The following OSBPL3 variants were observed in gnomAD, a reference collection of about 807,000 sequenced individuals.
The protein encoded by OSBPL3 is oxysterol-binding protein-related protein 3.
Under a neutral mutation model 120.1 loss-of-function variants are expected in OSBPL3, and 65 were observed. That is an observed-to-expected ratio of 0.54 (90% CI 0.44 to 0.67). The LOEUF (loss-of-function observed/expected upper bound fraction) is 0.67, where lower values mean the gene tolerates loss of function less well. Among genes scored for constraint, OSBPL3 ranks in the 30% least tolerant of loss-of-function variants. The pLI is 0.00. For synonymous variants in OSBPL3, 416 were observed against 402.6 expected (o/e 1.03, Z -0.40); for missense variants, 1,004 against 1,082.1 (o/e 0.93, Z 1.01).
intron 1 of OSBPL3, among the ~76,000 whole-genome samples, chr7:24,979,638 G>A (rs1206847692): frequency 2.0e-5 from 3 of 152,142 alleles, no homozygotes; most frequent in Non-Finnish European, 1.5e-5. Flanking sequence ...AATCCTCTGA[G>A]CCGTCCCTCG....
intron 10 of OSBPL3, among the ~76,000 whole-genome samples, chr7:24,857,259 G>A (rs138791619): frequency 6.6e-6 from 1 of 152,312 alleles, no homozygotes; most frequent in African/African-American, 2.4e-5. Context: ...TCCTTCACTT[G>A]TAGGAAAAGT....
In OSBPL3 at chr7:24,913,828, A is replaced by G. The variant is rs1809177507; in HGVS notation, c.-149-21207T>C. Among the ~76,000 whole-genome samples the G allele has an allele frequency of 6.6e-6, 1 of 152,222 alleles. No homozygotes were observed. Among genetic ancestry groups the G allele is most frequent in the Non-Finnish European group, 1.5e-5 (1 of 68,038 alleles). On this transcript the variant is annotated intron_variant, in intron 1 of 22. Coordinates refer to ENST00000313367, the MANE Select transcript of OSBPL3 (RefSeq NM_015550.4). The surrounding 1 kb of genome is among the most constrained non-coding windows in gnomAD (Gnocchi z 5.3). Reference sequence around the variant, plus strand: ...GTGGGGATACAACTAGGACGAGGACAAGGACCAAGGACCGTATCCCATCAA... The same window carrying G: ...GTGGGGATACAACTAGGACGAGGACGAGGACCAAGGACCGTATCCCATCAA...
Position 24,852,155 on chromosome 7 carries a change from T to G in OSBPL3, c.1158+349A>C, listed in dbSNP as rs1799240080. Among the ~76,000 whole-genome samples the G allele has an allele frequency of 6.6e-6, 1 of 152,142 alleles. No homozygotes were observed. The highest frequency in any genetic ancestry group is 1.5e-5 in the Non-Finnish European group (1 of 68,022). ...CTTGTGGTGTCTCATGCCCATAAAA[T>G]TTCCTCCAAACTGTCAGATTTTGTA... On this transcript the variant is annotated intron_variant, in intron 11 of 22. Transcript: ENST00000313367. This position sits in a 1 kb window ranked among gnomAD's most constrained non-coding sequence, Gnocchi z 4.1.
Position 24,819,728 on chromosome 7 carries a change from C to G in OSBPL3, c.1948+447G>C, listed in dbSNP as rs1285096190. Among the ~76,000 whole-genome samples, 1 of 151,802 alleles carries G rather than the reference C, an allele frequency of 6.6e-6. No individual in the cohort carries two copies. Among genetic ancestry groups the G allele is most frequent in the Admixed American group, 6.6e-5 (1 of 15,228 alleles). ...TAATCCATCTAGGAAATATCTATAG[C>G]CTTATTTATTCTTTAGAAGATTTAC... On this transcript the variant is annotated intron_variant, in intron 17 of 22. Coordinates refer to ENST00000313367, the MANE Select transcript of OSBPL3 (RefSeq NM_015550.4). The surrounding 1 kb of genome is among the most constrained non-coding windows in gnomAD (Gnocchi z 4.1).
rs1812666339 is a variant in OSBPL3 at position 24,938,368 on chromosome 7, C to T, written c.-150+41518G>A. Among the ~76,000 whole-genome samples, 1 of 152,176 alleles carries T rather than the reference C, an allele frequency of 6.6e-6. No individual in the cohort carries two copies. The highest frequency in any genetic ancestry group is 2.1e-4 in the South Asian group (1 of 4,836). ...TTCACAGTCTCCAGACTGTAAGCAA[C>T]CCATTTCTATTGTTTATAAATTACC... is the stretch of plus-strand genomic sequence containing the variant. On this transcript the variant is annotated intron_variant, in intron 1 of 22. Coordinates refer to ENST00000313367, the MANE Select transcript of OSBPL3 (RefSeq NM_015550.4). The surrounding 1 kb of genome is among the most constrained non-coding windows in gnomAD (Gnocchi z 5.8).
intron 1 of OSBPL3, among the ~76,000 whole-genome samples, chr7:24,961,020 A>T (rs540485578): frequency 5.3e-5 from 8 of 152,306 alleles, no homozygotes; most frequent in Admixed American, 5.2e-4. Context: ...CTTCGAAATA[A>T]TTTTTTTAAA....
At chr7:24,945,616 GA>G (rs1389746340) in intron 1 of OSBPL3, among the ~76,000 whole-genome samples, 4 of 152,228 alleles carry the variant, frequency 2.6e-5, no homozygotes, top group South Asian at 2.1e-4. Context: ...CTGATACGGT[GA>G]AATGATTACT....
chr7:24,799,500 A>G lies in OSBPL3; in HGVS notation c.*683T>C, dbSNP rs1252611038. On this transcript the variant is annotated 3_prime_UTR_variant, in exon 23 of 23. Coordinates refer to ENST00000313367, the MANE Select transcript of OSBPL3 (RefSeq NM_015550.4). This position sits in a 1 kb window ranked among gnomAD's most constrained non-coding sequence, Gnocchi z 5.3. ...TCTCTTATGAATAATTTCTCTGAGCAACAGGGTACAATTTTGCATATAAGG... is the reference window on the plus strand; with the variant it reads ...TCTCTTATGAATAATTTCTCTGAGCGACAGGGTACAATTTTGCATATAAGG... 6.6e-6 allele frequency: 1 copy of G among 152,234 alleles called. No individual in the cohort carries two copies. The highest frequency in any genetic ancestry group is 1.5e-5 in the Non-Finnish European group (1 of 68,048). 9.4% of individuals were successfully genotyped at this position (152,234 alleles called of 1,614,324 possible). A position where few individuals can be genotyped will look rare whatever the true frequency, so the allele number is the denominator to read the frequency against.
At position 24,863,004 on chromosome 7, in the gene OSBPL3, C is replaced by T. The variant is rs111884024; in HGVS notation, c.870+196G>A. On this transcript the variant is annotated intron_variant, in intron 9 of 22. Transcript: ENST00000313367. The surrounding 1 kb of genome is among the most constrained non-coding windows in gnomAD (Gnocchi z 5.8). ...TAGAAAAAATTCTCTCCCTTGCCCACGATCCATTATGTGCTTATCCTAGCA... is the reference window on the plus strand; with the variant it reads ...TAGAAAAAATTCTCTCCCTTGCCCATGATCCATTATGTGCTTATCCTAGCA... Among the ~76,000 whole-genome samples, 738 of 152,328 alleles carry T rather than the reference C, an allele frequency of 4.8e-3. 9 individuals carry two copies. The highest frequency in any genetic ancestry group is 0.017 in the African/African-American group (700 of 41,566).
intron 1 of OSBPL3, among the ~76,000 whole-genome samples, chr7:24,917,401 C>CAT (rs59525014): frequency 0.16 from 15,636 of 99,574 alleles, 1,437 homozygotes; most frequent in Non-Finnish European, 0.21. Context: ...ATATTTGTAA[C>CAT]ATATATATAT....
chr7:24,884,793 A>T (rs909995323), intron 2 of OSBPL3, among the ~76,000 whole-genome samples: 2 of 152,178 alleles, frequency 1.3e-5, no homozygotes, highest in African/African-American at 4.8e-5. Context: ...AACACTGGCC[A>T]TCTGGCTCCA....
intron 22 of OSBPL3, among the ~76,000 whole-genome samples, chr7:24,800,889 C>A (rs529882505): frequency 1.3e-5 from 2 of 151,444 alleles, no homozygotes; most frequent in East Asian, 3.9e-4. Flanking sequence ...TTGGGAATGA[C>A]TGCACAAAAG....
rs563926319 is a variant in OSBPL3, at chr7:24,880,438, G to A, written c.97-8369C>T. On this transcript the variant is annotated intron_variant, in intron 2 of 22. Transcript: ENST00000313367. ...TCACCCCCCTACTCTCTCCCCCAGC[G>A]GAACAAGTCTGTCTTTTGTTCCAGG... Among the ~76,000 whole-genome samples, 16 of 151,924 alleles carry A rather than the reference G, an allele frequency of 1.1e-4. No individual in the cohort carries two copies. The South Asian group carries it at 2.9e-3, about 28-fold the overall frequency.
rs373803046 is a variant in OSBPL3, at chr7:24,960,485, A to T, written c.-150+19401T>A. ...TGGACAACACAAAATCAATATATCG[A>T]AAACTCAATTATCTGTGCTAATGGA... On this transcript the variant is annotated intron_variant, in intron 1 of 22. Coordinates refer to ENST00000313367, the MANE Select transcript of OSBPL3 (RefSeq NM_015550.4). Among the ~76,000 whole-genome samples, 167 of 152,280 alleles carry T rather than the reference A, an allele frequency of 1.1e-3. 4 individuals are homozygous for T. The highest frequency in any genetic ancestry group is 3.2e-3 in the African/African-American group (134 of 41,524).
At position 24,854,551 on chromosome 7, in the gene OSBPL3, G is replaced by A. The variant is rs1799601562; in HGVS notation, c.1028-1917C>T. Among the ~76,000 whole-genome samples the A allele has an allele frequency of 6.7e-6, 1 of 149,760 alleles. No homozygotes were observed. The highest frequency in any genetic ancestry group is 6.6e-5 in the Admixed American group (1 of 15,040). On this transcript the variant is annotated intron_variant, in intron 10 of 22. Transcript: ENST00000313367. The surrounding 1 kb of genome is among the most constrained non-coding windows in gnomAD (Gnocchi z 4.1). ...ACACACACACACAAACACACACAAT[G>A]GTGCTGCCTCTGCCAACAGAAGATG...
chr7:24,897,318 A>AACTTT (rs1466449566), intron 1 of OSBPL3, among the ~76,000 whole-genome samples: 2 of 144,602 alleles, frequency 1.4e-5, no homozygotes, highest in Admixed American at 6.9e-5. Context: ...AGATGGCAGA[A>AACTTT]TCTTTTTTTT....
intron 9 of OSBPL3, 38 bp from the exon 10 acceptor site, chr7:24,861,807 GC>G: frequency 7.0e-7 from 1 of 1,429,676 alleles, no homozygotes; most frequent in Non-Finnish European, 9.5e-7. Context: ...CTTTTCAGAT[GC>G]AGATTGCTTA....
rs1012004140 is a variant in OSBPL3, at chr7:24,803,835, G to A, written c.2567+480C>T. On this transcript the variant is annotated intron_variant, in intron 22 of 22. Transcript: ENST00000313367. The surrounding 1 kb of genome is among the most constrained non-coding windows in gnomAD (Gnocchi z 4.2). ...TTGGCAAGTTATTTTAAAGATAACA[G>A]TAAATGTAAGCCCAAGTGTACTGGA... is the stretch of plus-strand genomic sequence containing the variant. 6.6e-6 allele frequency among the ~76,000 whole-genome samples: 1 copy of A among 152,152 alleles called. No homozygotes were observed. The highest frequency in any genetic ancestry group is 1.5e-5 in the Non-Finnish European group (1 of 68,026).
chr7:24,915,461 TA>T (rs1383539173), intron 1 of OSBPL3, among the ~76,000 whole-genome samples: 1 of 151,928 alleles, frequency 6.6e-6, no homozygotes, highest in Non-Finnish European at 1.5e-5. Flanking sequence ...TCAAAAATAA[TA>T]ATCTTCCAAA....
Sources: allele counts gnomAD v4.1 joint callset (sites outside exome capture counted in the v4.1 genomes callset), GRCh38; gene constraint gnomAD v4.1.1; non-coding constraint Gnocchi (gnomAD v3.1); transcripts MANE v1.5; gene names NCBI Gene and HGNC (gene_info 2026-07-23, HGNC 2026-07-21).